Variants in KLHL1 observed in about 807,000 individuals in gnomAD.
KLHL1 encodes kelch like family member 1.
KLHL1 carries 47 observed loss-of-function variants against 77.7 expected under a neutral mutation model. The ratio of observed to expected loss-of-function variants is 0.60; its 90% CI spans 0.48 to 0.77. KLHL1 has a LOEUF of 0.77. Ranked by LOEUF, KLHL1 falls within the 30% of genes least tolerant of loss-of-function variation. The pLI, the probability that KLHL1 is intolerant of heterozygous loss-of-function variation, is 0.00. For missense variants in KLHL1, 925 were observed against 910.8 expected, an observed-to-expected ratio of 1.02 and a Z score of -0.20; for synonymous variants, 360 against 325.2, an observed-to-expected ratio of 1.11 and a Z score of -1.15.
intron 3 of KLHL1, among the ~76,000 whole-genome samples, chr13:69,958,874 T>C (rs963727119): frequency 6.6e-6 from 1 of 152,020 alleles, no homozygotes. Context: ...TGTCAGCTGG[T>C]GAGTTAGGTA....
chr13:69,735,096 G>A (rs1002219940), intron 8 of KLHL1, among the ~76,000 whole-genome samples: 1 of 151,964 alleles, frequency 6.6e-6, no homozygotes, highest in Admixed American at 6.6e-5. Context: ...TTTATAGTTA[G>A]AGTATTTATG....
chr13:70,003,190 T>C (rs1022020123), intron 1 of KLHL1, among the ~76,000 whole-genome samples: 3 of 151,734 alleles, frequency 2.0e-5, no homozygotes, highest in Admixed American at 6.6e-5. Context: ...CTTTTCTCCA[T>C]AATATTGCAC....
rs571252855 is a variant in KLHL1, at chr13:69,782,828, C to T, written c.1639+13910G>A. 5.4e-3 allele frequency among the ~76,000 whole-genome samples: 815 copies of T among 152,322 alleles called. 3 individuals carry two copies. The highest frequency in any genetic ancestry group is 0.018 in the African/African-American group (752 of 41,564). On this transcript the variant is annotated intron_variant, in intron 7 of 10. Transcript: ENST00000377844. ...GAAGAGAGTAGTGGTTCTCCCAGCA[C>T]GCAGCTGGTGATCTGAGAATGAGCA...
intron 9 of KLHL1, among the ~76,000 whole-genome samples, chr13:69,716,998 T>C (rs568170621): frequency 1.4e-5 from 2 of 146,214 alleles, no homozygotes; most frequent in Admixed American, 6.7e-5. Context: ...CCATAAACTA[T>C]TCTAAAGTCC....
chr13:70,037,963 T>A (rs891730076), intron 1 of KLHL1, among the ~76,000 whole-genome samples: 1 of 152,152 alleles, frequency 6.6e-6, no homozygotes, highest in African/African-American at 2.4e-5. Flanking sequence ...CCAATGACTG[T>A]CATCTGTGAG....
At chr13:69,985,815 T>C (rs944203531) in intron 1 of KLHL1, among the ~76,000 whole-genome samples, 1 of 146,936 alleles carries the variant, frequency 6.8e-6, no homozygotes, top group African/African-American at 2.5e-5. Flanking sequence ...TTATATATTA[T>C]ATATTATATA....
At chr13:70,083,540 T>C (rs1887444487) in intron 1 of KLHL1, among the ~76,000 whole-genome samples, 1 of 152,192 alleles carries the variant, frequency 6.6e-6, no homozygotes, top group Admixed American at 6.5e-5. Context: ...TTAGACTTTG[T>C]AGATTAACTC....
chr13:69,848,234 T>C (rs1368356956), intron 5 of KLHL1, among the ~76,000 whole-genome samples: 3 of 151,492 alleles, frequency 2.0e-5, no homozygotes, highest in African/African-American at 7.3e-5. Flanking sequence ...AAATGGACAA[T>C]TATGCTGGAA....
At chr13:70,056,017 G>C (rs1886735957) in intron 1 of KLHL1, among the ~76,000 whole-genome samples, 2 of 152,026 alleles carry the variant, frequency 1.3e-5, no homozygotes, top group Non-Finnish European at 2.9e-5. Context: ...CCAATCAAAA[G>C]ACATGCTGTG....
intron 1 of KLHL1, among the ~76,000 whole-genome samples, chr13:70,056,700 A>G (rs1886752713): frequency 6.6e-6 from 1 of 152,174 alleles, no homozygotes; most frequent in South Asian, 2.1e-4. Flanking sequence ...CATGGAAATT[A>G]AACAATATGC....
At chr13:70,067,625 A>G (rs1188750715) in intron 1 of KLHL1, among the ~76,000 whole-genome samples, 1 of 137,986 alleles carries the variant, frequency 7.2e-6, no homozygotes, top group Non-Finnish European at 1.6e-5. Flanking sequence ...GGCTCAGATG[A>G]CATATTTTGA....
intron 3 of KLHL1, among the ~76,000 whole-genome samples, chr13:69,960,110 C>CA (rs1884018417): frequency 8.0e-6 from 1 of 124,236 alleles, no homozygotes; most frequent in South Asian, 2.5e-4. Context: ...AGCATGTGTA[C>CA]TTTTTTTTTT....
chr13:70,034,241 A>G (rs1228410536), intron 1 of KLHL1, among the ~76,000 whole-genome samples: 1 of 152,196 alleles, frequency 6.6e-6, no homozygotes, highest in African/African-American at 2.4e-5. Context: ...GAACTTCCCC[A>G]AATGCTTTAC....
intron 3 of KLHL1, among the ~76,000 whole-genome samples, chr13:69,953,670 T>C (rs1883782074): frequency 6.6e-6 from 1 of 151,168 alleles, no homozygotes; most frequent in South Asian, 2.1e-4. Flanking sequence ...GTAGCAAAAT[T>C]ACAAGCTAGT....
At chr13:69,717,802 A>C (rs1439294064) in intron 9 of KLHL1, among the ~76,000 whole-genome samples, 3 of 152,068 alleles carry the variant, frequency 2.0e-5, no homozygotes, top group African/African-American at 4.8e-5. Flanking sequence ...GTGAGTATAA[A>C]AGCATAAACC....
intron 7 of KLHL1, among the ~76,000 whole-genome samples, chr13:69,768,393 A>T (rs1875408883): frequency 6.6e-6 from 1 of 152,158 alleles, no homozygotes; most frequent in African/African-American, 2.4e-5. Context: ...CAATTAATGC[A>T]TGTCCACTAG....
At chr13:69,789,430 C>A (rs573990980) in intron 7 of KLHL1, among the ~76,000 whole-genome samples, 1 of 151,994 alleles carries the variant, frequency 6.6e-6, no homozygotes, top group African/African-American at 2.4e-5. Flanking sequence ...GTCGAGGAAT[C>A]TGAGATTAAA....
At chr13:69,782,791 T>C (rs1876297269) in intron 7 of KLHL1, among the ~76,000 whole-genome samples, 1 of 152,200 alleles carries the variant, frequency 6.6e-6, no homozygotes, top group African/African-American at 2.4e-5. Flanking sequence ...AATGTCCCTG[T>C]CTGACAGCTT....
At chr13:69,952,375 C>T (rs1032500872) in intron 3 of KLHL1, among the ~76,000 whole-genome samples, 11 of 151,262 alleles carry the variant, frequency 7.3e-5, no homozygotes, top group Admixed American at 2.0e-4. Context: ...TCTTGTAAGA[C>T]TGAATCCCAT....
Sources: gnomAD v4.1 joint callset for allele counts (sites outside exome capture counted in the v4.1 genomes callset) on GRCh38, gnomAD v4.1.1 for gene constraint, MANE v1.5 for transcripts, NCBI Gene and HGNC (gene_info 2026-07-23, HGNC 2026-07-21) for gene names.